Variants in PTPRK observed in about 807,000 individuals in gnomAD.
PTPRK encodes the protein receptor-type tyrosine-protein phosphatase kappa.
PTPRK carries 75 observed loss-of-function variants against 178.0 expected under a neutral mutation model. The observed-to-expected ratio is 0.42, with a 90% CI of 0.35 to 0.51. The LOEUF (loss-of-function observed/expected upper bound fraction) is 0.51. Among genes scored for constraint, PTPRK ranks in the 20% least tolerant of loss-of-function variants. The pLI, the probability that PTPRK is intolerant of heterozygous loss-of-function variation, is 0.02. For missense variants in PTPRK, 1,441 were observed against 1,797.8 expected, an observed-to-expected ratio of 0.80 and a Z score of 3.59; for synonymous variants, 637 against 620.6, an observed-to-expected ratio of 1.03 and a Z score of -0.39.
intron 5 of PTPRK, chr6:128,238,208 GAAAA>G: frequency 4.0e-6 from 1 of 252,900 alleles, no homozygotes; most frequent in South Asian, 2.9e-5. Flanking sequence ...AAAAAGAAAA[GAAAA>G]AAAAAAGAGG....
intron 5 of PTPRK, among the ~76,000 whole-genome samples, chr6:128,231,136 G>C (rs1812221775): frequency 6.6e-6 from 1 of 152,134 alleles, no homozygotes; most frequent in Admixed American, 6.5e-5. Context: ...CCAGAAAGCA[G>C]AAGAAAAACC....
At chr6:128,168,582 C>G (rs1799752462) in intron 7 of PTPRK, among the ~76,000 whole-genome samples, 1 of 151,974 alleles carries the variant, frequency 6.6e-6, no homozygotes, top group South Asian at 2.1e-4. Flanking sequence ...ATATAAGTGG[C>G]GGCATTAGAT....
chr6:128,035,988 C>G (rs1582638889), intron 13 of PTPRK, among the ~76,000 whole-genome samples: 1 of 152,126 alleles, frequency 6.6e-6, no homozygotes, highest in East Asian at 1.9e-4. Flanking sequence ...TCCTTTAGCT[C>G]TTTTTAATAT....
intron 2 of PTPRK, among the ~76,000 whole-genome samples, chr6:128,357,174 A>G: frequency 6.6e-6 from 1 of 152,086 alleles, no homozygotes; most frequent in Non-Finnish European, 1.5e-5. Flanking sequence ...TCTCCTTCAC[A>G]TTTTCTTTTG....
At chr6:128,018,349 A>G (rs1779847496) in intron 13 of PTPRK, among the ~76,000 whole-genome samples, 1 of 152,142 alleles carries the variant, frequency 6.6e-6, no homozygotes, top group Non-Finnish European at 1.5e-5. Context: ...AAACAAATAC[A>G]TTAATGCTAG....
chr6:128,124,949 C>T (rs999818704), intron 7 of PTPRK, among the ~76,000 whole-genome samples: 5 of 152,182 alleles, frequency 3.3e-5, no homozygotes, highest in Non-Finnish European at 7.3e-5. Flanking sequence ...CTCCAGGCTG[C>T]CAGCCTTCTA....
At chr6:128,144,067 T>C (rs1796142635) in intron 7 of PTPRK, among the ~76,000 whole-genome samples, 1 of 152,126 alleles carries the variant, frequency 6.6e-6, no homozygotes, top group Admixed American at 6.6e-5. Flanking sequence ...GCTTGATTCT[T>C]TTTGCATTCA....
At chr6:128,518,887 CG>C in intron 1 of PTPRK, 1 of 425,868 alleles carries the variant, frequency 2.3e-6, no homozygotes, top group South Asian at 1.7e-5. Flanking sequence ...CTAAATGGGG[CG>C]GGGGTAGGAG....
intron 1 of PTPRK, among the ~76,000 whole-genome samples, chr6:128,413,917 A>C (rs1842571416): frequency 6.6e-6 from 1 of 152,154 alleles, no homozygotes; most frequent in Non-Finnish European, 1.5e-5. Flanking sequence ...TATTTAATTG[A>C]CCTTAATAAC....
At chr6:128,028,825 T>A (rs1774778358) in intron 13 of PTPRK, among the ~76,000 whole-genome samples, 1 of 152,200 alleles carries the variant, frequency 6.6e-6, no homozygotes, top group African/African-American at 2.4e-5. Context: ...TTTGTTGATA[T>A]GATGCTTTGA....
rs542495396 is a variant in PTPRK at position 127,982,811 on chromosome 6, G to A, written c.3537+20C>T. ...CAAATTGTAGTAAGTCACAAAAGAG[G>A]TTTTAGAAATAGTTAATACCTGAAA... On this transcript the variant is annotated intron_variant, in intron 24 of 29. Transcript: ENST00000368226. The A allele has an allele frequency of 1.3e-6, 2 of 1,592,592 alleles. No individual in the cohort carries two copies. The highest frequency in any genetic ancestry group is 1.7e-5 in the Admixed American group (1 of 57,170).
At chr6:127,991,027 T>C in intron 20 of PTPRK, 142 bp from the exon 21 acceptor site, 1 of 620,356 alleles carries the variant, frequency 1.6e-6, no homozygotes, top group Non-Finnish European at 2.8e-6. Context: ...TATTATACAA[T>C]AAACAGAGTT....
At chr6:128,174,926 C>A (rs572650191) in intron 7 of PTPRK, among the ~76,000 whole-genome samples, 2 of 151,858 alleles carry the variant, frequency 1.3e-5, no homozygotes, top group Admixed American at 6.6e-5. Context: ...CTGGGCAGCT[C>A]AACACAGAAA....
Position 128,082,648 on chromosome 6 carries a change from G to T in PTPRK, c.1576-10C>A, listed in dbSNP as rs543714214. The stretch of plus-strand genomic sequence containing the variant: ...TACTGCTATAGCTGATCTGTTTTAA[G>T]AAATACATTTATTACATATCTAGTA... On this transcript the variant is annotated splice_polypyrimidine_tract_variant and intron_variant, in intron 9 of 29. Transcript: ENST00000368226. 5 of 1,567,014 alleles carry T rather than the reference G, an allele frequency of 3.2e-6. No homozygotes were observed. The East Asian group carries it at 9.1e-5, about 28-fold the overall frequency.
intron 1 of PTPRK, among the ~76,000 whole-genome samples, chr6:128,464,282 G>A (rs546207969): frequency 1.5e-4 from 23 of 151,934 alleles, no homozygotes; most frequent in Admixed American, 3.3e-4. Context: ...TCAAACAGGC[G>A]TCTAGTCTCT....
At chr6:128,174,587 G>A (rs954010397) in intron 7 of PTPRK, among the ~76,000 whole-genome samples, 1 of 151,756 alleles carries the variant, frequency 6.6e-6, no homozygotes, top group Non-Finnish European at 1.5e-5. Flanking sequence ...ACAACCAGCT[G>A]GCAAAATTCC....
chr6:128,160,054 AT>A (rs932934799), intron 7 of PTPRK, among the ~76,000 whole-genome samples: 30 of 151,670 alleles, frequency 2.0e-4, no homozygotes, highest in African/African-American at 6.8e-4. Flanking sequence ...AATTATTCTC[AT>A]TTCAGGGCAT....
At chr6:128,478,128 A>G (rs2128422059) in intron 1 of PTPRK, among the ~76,000 whole-genome samples, 1 of 152,298 alleles carries the variant, frequency 6.6e-6, no homozygotes, top group South Asian at 2.1e-4. Flanking sequence ...GTGTTCTGAT[A>G]TCTACCATTC....
At chr6:128,047,245 C>T (rs1202255279) in intron 13 of PTPRK, among the ~76,000 whole-genome samples, 1 of 152,098 alleles carries the variant, frequency 6.6e-6, no homozygotes, top group Non-Finnish European at 1.5e-5. Flanking sequence ...CAAGCTAGCA[C>T]TGAAGTCAAA....
Sources: gnomAD v4.1 joint callset for allele counts (sites outside exome capture counted in the v4.1 genomes callset) on GRCh38, gnomAD v4.1.1 for gene constraint, MANE v1.5 for transcripts, NCBI Gene and HGNC (gene_info 2026-07-23, HGNC 2026-07-21) for gene names.